The following SORCS3 variants were observed in gnomAD, a reference collection of about 807,000 sequenced individuals.
SORCS3 encodes VPS10 domain-containing receptor SorCS3.
SORCS3 carries 57 observed loss-of-function variants against 146.3 expected under a neutral mutation model. That is an observed-to-expected ratio of 0.39 (90% confidence interval 0.31 to 0.49). The LOEUF (loss-of-function observed/expected upper bound fraction) is 0.49, where lower values mean the gene tolerates loss of function less well. Among genes scored for constraint, SORCS3 ranks in the 20% least tolerant of loss-of-function variants. The pLI, the probability that SORCS3 is intolerant of heterozygous loss-of-function variation, is 0.92. For missense variants in SORCS3, 1,341 were observed against 1,575.5 expected, an observed-to-expected ratio of 0.85 and a Z score of 2.52; for synonymous variants, 653 against 618.5, an observed-to-expected ratio of 1.06 and a Z score of -0.83.
At chr10:105,066,778 A>C (rs1299173619) in intron 5 of SORCS3, among the ~76,000 whole-genome samples, 1 of 151,980 alleles carries the variant, frequency 6.6e-6, no homozygotes, top group African/African-American at 2.4e-5. Flanking sequence ...GGCTCCTCCA[A>C]ATCATGACCA....
chr10:105,117,635 A>G (rs2055902693), intron 7 of SORCS3, among the ~76,000 whole-genome samples: 1 of 152,192 alleles, frequency 6.6e-6, no homozygotes, highest in Non-Finnish European at 1.5e-5. Context: ...CTTTCTTTGA[A>G]CCTACACCCC....
rs531513176 is a variant in SORCS3 at position 105,231,757 on chromosome 10, A to G, written c.2868+8508A>G. Among the ~76,000 whole-genome samples, 47 of 152,268 alleles carry G rather than the reference A, an allele frequency of 3.1e-4. 2 individuals are homozygous for G. Among genetic ancestry groups the G allele is most frequent in the African/African-American group, 1.1e-3 (45 of 41,570 alleles). On this transcript the variant is annotated intron_variant, in intron 20 of 26. Coordinates refer to ENST00000369701, the MANE Select transcript of SORCS3 (RefSeq NM_014978.3). ...ATTGTGTTAAATGCTTTTTCTGCAT[A>G]GGTTAATATGATCATGTTCTTTTTT...
rs370742830 is a variant in SORCS3 at position 104,696,345 on chromosome 10, ATATATCAT to A, written c.627+54392_627+54399del. On this transcript the variant is annotated intron_variant, in intron 1 of 26. Coordinates refer to ENST00000369701, the MANE Select transcript of SORCS3 (RefSeq NM_014978.3). Reference sequence around the variant, plus strand: ...ATCATATACACATATGATATATGATATATATCATATATATATCATATATAGTATATAAT... The same window carrying A: ...ATCATATACACATATGATATATGATAATATATATCATATATAGTATATAAT... Among the ~76,000 whole-genome samples the A allele has an allele frequency of 3.9e-3, 16 of 4,118 alleles. 5 individuals are homozygous for A. The highest frequency in any genetic ancestry group is 0.012 in the African/African-American group (13 of 1,122). 2.7% of individuals were successfully genotyped at this position (4,118 alleles called of 152,430 possible).
intron 1 of SORCS3, among the ~76,000 whole-genome samples, chr10:104,820,825 T>G (rs2017864151): frequency 6.6e-6 from 1 of 152,232 alleles, no homozygotes; most frequent in Non-Finnish European, 1.5e-5. Context: ...AATGTTAGGA[T>G]GCATCAACAG....
chr10:104,723,946 C>A (rs530293636), intron 1 of SORCS3, among the ~76,000 whole-genome samples: 1 of 152,252 alleles, frequency 6.6e-6, no homozygotes, highest in Admixed American at 6.5e-5. Flanking sequence ...CAGTCTGTGT[C>A]TTTTAATTGG....
At chr10:104,721,583 A>C (rs1426801796) in intron 1 of SORCS3, among the ~76,000 whole-genome samples, 2 of 152,010 alleles carry the variant, frequency 1.3e-5, no homozygotes, top group African/African-American at 4.8e-5. Context: ...GGCCATTTTC[A>C]CGATATTGAT....
At chr10:104,954,298 G>C (rs149210488) in intron 3 of SORCS3, among the ~76,000 whole-genome samples, 20 of 152,230 alleles carry the variant, frequency 1.3e-4, no homozygotes, top group African/African-American at 3.9e-4. Context: ...AAGGCTCTCT[G>C]TTCCATTTTT....
At chr10:105,209,763 G>C (rs896570501) in intron 16 of SORCS3, among the ~76,000 whole-genome samples, 2 of 152,146 alleles carry the variant, frequency 1.3e-5, no homozygotes, top group Non-Finnish European at 2.9e-5. Flanking sequence ...GGTTGAAAAG[G>C]CTGGCTAGAA....
chr10:105,135,246 T>C (rs961821046), intron 7 of SORCS3, among the ~76,000 whole-genome samples: 3 of 152,072 alleles, frequency 2.0e-5, no homozygotes, highest in Non-Finnish European at 4.4e-5. Flanking sequence ...TTAGAGTCCA[T>C]GCAGCTGCAC....
At position 105,107,366 on chromosome 10, in the gene SORCS3, A is replaced by G. The variant is rs373201770; in HGVS notation, c.1212+1851A>G. Among the ~76,000 whole-genome samples, 20 of 148,918 alleles carry G rather than the reference A, an allele frequency of 1.3e-4. No individual in the cohort carries two copies. In the South Asian group the frequency reaches 4.2e-3, roughly 31 times the overall value. On this transcript the variant is annotated intron_variant, in intron 7 of 26. Transcript: ENST00000369701. ...CACAGGAGTGAGTTATGAATTTACC[A>G]GTCGGATTTCCCTTCCCTTAATGCT...
At chr10:104,838,224 C>A (rs1042218983) in intron 1 of SORCS3, among the ~76,000 whole-genome samples, 1 of 152,112 alleles carries the variant, frequency 6.6e-6, no homozygotes, top group African/African-American at 2.4e-5. Flanking sequence ...GGAACTACCC[C>A]CTCCACCATC....
chr10:104,751,036 C>T (rs1326759430), intron 1 of SORCS3, among the ~76,000 whole-genome samples: 8 of 144,798 alleles, frequency 5.5e-5, no homozygotes, highest in Non-Finnish European at 1.2e-4. Context: ...AATTGGAAGA[C>T]ATACAAGAGA....
chr10:105,056,907 A>T (rs1225929704), intron 5 of SORCS3, among the ~76,000 whole-genome samples: 2 of 152,234 alleles, frequency 1.3e-5, no homozygotes, highest in Non-Finnish European at 1.5e-5. Context: ...ACAAAATTTC[A>T]GTTAGATTGT....
chr10:104,825,244 G>T (rs374680643), intron 1 of SORCS3, among the ~76,000 whole-genome samples: 3 of 152,184 alleles, frequency 2.0e-5, no homozygotes, highest in East Asian at 3.9e-4. Context: ...CTTACTGTGT[G>T]CCTGGCAGTA....
chr10:105,197,598 G>A (rs925717196), intron 14 of SORCS3, among the ~76,000 whole-genome samples: 7 of 152,134 alleles, frequency 4.6e-5, no homozygotes, highest in Non-Finnish European at 7.3e-5. Flanking sequence ...TCAAGATCAC[G>A]TTAAATATTT....
At chr10:104,655,763 A>G (rs1362510128) in intron 1 of SORCS3, among the ~76,000 whole-genome samples, 2 of 152,102 alleles carry the variant, frequency 1.3e-5, no homozygotes, top group African/African-American at 4.8e-5. Flanking sequence ...AAAAGTGTGC[A>G]GTGCCTCCTG....
chr10:105,124,313 C>A (rs909518338), intron 7 of SORCS3, among the ~76,000 whole-genome samples: 4 of 152,126 alleles, frequency 2.6e-5, no homozygotes, highest in Non-Finnish European at 4.4e-5. Context: ...CCCGATTACC[C>A]CTACTTTCCT....
chr10:105,200,821 A>C (rs2056570132), intron 15 of SORCS3, among the ~76,000 whole-genome samples: 1 of 152,194 alleles, frequency 6.6e-6, no homozygotes, highest in Non-Finnish European at 1.5e-5. Context: ...GGTGGTCTGC[A>C]AAGATGCCTG....
intron 5 of SORCS3, among the ~76,000 whole-genome samples, chr10:105,050,826 C>T (rs790730): frequency 0.66 from 99,955 of 152,076 alleles, 35,086 homozygotes; most frequent in East Asian, 0.85. Flanking sequence ...TCTGTCTACA[C>T]GTAGCCTCCT....
Sources: gnomAD v4.1 joint callset for allele counts (sites outside exome capture counted in the v4.1 genomes callset) on GRCh38, gnomAD v4.1.1 for gene constraint, MANE v1.5 for transcripts, NCBI Gene and HGNC (gene_info 2026-07-23, HGNC 2026-07-21) for gene names.